TRIM37: variants seen among roughly 807,000 people sequenced by gnomAD.
TRIM37 encodes tripartite motif containing 37.
A neutral mutation model predicts 129.8 loss-of-function variants in TRIM37; 80 were observed. The ratio of observed to expected loss-of-function variants is 0.62; its 90% CI spans 0.51 to 0.74. TRIM37 has a LOEUF of 0.74. Among genes scored for constraint, TRIM37 ranks in the 30% least tolerant of loss-of-function variants. The pLI is 0.00. For synonymous variants in TRIM37, 389 were observed against 387.1 expected (o/e 1.00, Z -0.06); for missense variants, 1,054 against 1,176.5 (o/e 0.90, Z 1.52).
At chr17:58,974,189 T>C in the TRIM37 span, among the ~76,000 whole-genome samples, 1 of 152,142 alleles carries the variant, frequency 6.6e-6, no homozygotes, top group Non-Finnish European at 1.5e-5. Flanking sequence ...CAAATCAGTA[T>C]TTTTCAGAGA....
At chr17:59,027,938 C>T (rs139891258) in intron 19 of TRIM37, among the ~76,000 whole-genome samples, 13 of 152,294 alleles carry the variant, frequency 8.5e-5, no homozygotes, top group Middle Eastern at 3.4e-3. Context: ...TTACCCAGAA[C>T]ACTGCTTGCC....
the TRIM37 span, chr17:58,972,003 T>C: frequency 1.2e-6 from 1 of 836,224 alleles, no homozygotes; most frequent in Non-Finnish European, 1.8e-6. Flanking sequence ...TGAATTATTA[T>C]ATATGTGTGA....
the TRIM37 span, chr17:58,969,823 G>T: frequency 8.6e-7 from 1 of 1,163,964 alleles, no homozygotes. Context: ...TCTCTTTCTG[G>T]GCAGACATTA....
chr17:59,014,161 C>G (rs1567974123), intron 21 of TRIM37, among the ~76,000 whole-genome samples: 1 of 152,142 alleles, frequency 6.6e-6, no homozygotes, highest in Non-Finnish European at 1.5e-5. Flanking sequence ...GATTTTAACA[C>G]CTTTCTACTA....
At chr17:59,082,764 T>A (rs1213514177) in intron 5 of TRIM37, among the ~76,000 whole-genome samples, 2 of 152,236 alleles carry the variant, frequency 1.3e-5, no homozygotes, top group African/African-American at 4.8e-5. Flanking sequence ...TTAGCCAAAG[T>A]ATCCCATTAT....
chr17:59,035,985 C>T (rs2038432761), intron 17 of TRIM37, among the ~76,000 whole-genome samples: 2 of 152,110 alleles, frequency 1.3e-5, no homozygotes, highest in Non-Finnish European at 2.9e-5. Context: ...TCTCAAACTA[C>T]CTTTCCAGAA....
intron 12 of TRIM37, among the ~76,000 whole-genome samples, chr17:59,059,784 G>A (rs112491225): frequency 2.0e-5 from 3 of 152,154 alleles, no homozygotes; most frequent in African/African-American, 7.2e-5. Context: ...CTTTTGTTAG[G>A]TGGGTCCAGA....
intron 9 of TRIM37, among the ~76,000 whole-genome samples, chr17:59,069,261 T>G (rs937382988): frequency 2.1e-4 from 32 of 152,062 alleles, no homozygotes; most frequent in East Asian, 1.9e-4. Flanking sequence ...GTGTGAGAAT[T>G]GCTTGAATCC....
intron 8 of TRIM37, among the ~76,000 whole-genome samples, chr17:59,074,435 G>A (rs929288489): frequency 6.6e-6 from 1 of 152,142 alleles, no homozygotes; most frequent in Admixed American, 6.6e-5. Context: ...AAAAAAGAAT[G>A]GGGATAATGA....
Position 59,106,568 on chromosome 17 carries a change from G to A in TRIM37, c.-107C>T, listed in dbSNP as rs2046022729. On this transcript the variant is annotated 5_prime_UTR_variant, in exon 1 of 24. Coordinates refer to ENST00000262294, the MANE Select transcript of TRIM37 (RefSeq NM_015294.6). Reference sequence around the variant, plus strand: ...ATCAAATCGCCGATAAAAGCCCGGCGCCCACGTCAGGGGGCTCTGACAACC... The same window carrying A: ...ATCAAATCGCCGATAAAAGCCCGGCACCCACGTCAGGGGGCTCTGACAACC... 5.0e-6 allele frequency: 7 copies of A among 1,399,956 alleles called. No homozygotes were observed. Among genetic ancestry groups the A allele is most frequent in the East Asian group, 2.5e-5 (1 of 40,760 alleles). The allele number at this position is 1,399,956 out of a possible 1,614,324, so 86.7% of individuals were successfully genotyped here. A position where few individuals can be genotyped will look rare whatever the true frequency, so the allele number is the denominator to read the frequency against.
intron 19 of TRIM37, among the ~76,000 whole-genome samples, chr17:59,017,926 C>T (rs1844805317): frequency 6.6e-6 from 1 of 151,954 alleles, no homozygotes; most frequent in African/African-American, 2.4e-5. Context: ...GCACACCGCC[C>T]GTAAAATCTT....
chr17:59,088,044 A>G, intron 4 of TRIM37: 1 of 597,198 alleles, frequency 1.7e-6, no homozygotes, highest in South Asian at 2.1e-5. Context: ...CTAGCAAAGT[A>G]CTTTCTGTGT....
chr17:59,040,481 A>G (rs1460553630), intron 17 of TRIM37, among the ~76,000 whole-genome samples: 2 of 152,196 alleles, frequency 1.3e-5, no homozygotes, highest in African/African-American at 4.8e-5. Flanking sequence ...CACGGTGGCT[A>G]CTGCTGACAG....
At chr17:59,090,230 T>G (rs1212211108) in intron 3 of TRIM37, 2 of 152,200 alleles carry the variant, frequency 1.3e-5, no homozygotes, top group Admixed American at 6.5e-5. Context: ...AATCAAGGTA[T>G]AGTCATAAAA....
Position 59,049,384 on chromosome 17 carries a change from TAGTA to T in TRIM37, c.1320_1323del (p.Thr441LeufsTer50). The T allele has an allele frequency of 6.2e-7, 1 of 1,613,964 alleles. No homozygotes were observed. The highest frequency in any genetic ancestry group is 8.5e-7 in the Non-Finnish European group (1 of 1,179,966). Reference sequence around the variant, plus strand: ...GACTTCTGAGTTCGAGACAGCTCAATAGTAAGTCTCTTTTAAAACAAGAAAAGCA... The same window carrying T: ...GACTTCTGAGTTCGAGACAGCTCAATAGTCTCTTTTAAAACAAGAAAAGCA... On this transcript the variant is annotated frameshift_variant, in exon 15 of 24. Coordinates refer to ENST00000262294, the MANE Select transcript of TRIM37 (RefSeq NM_015294.6). LOFTEE classifies it high-confidence loss of function.
chr17:58,967,525 G>A, the TRIM37 span, among the ~76,000 whole-genome samples: 9 of 148,782 alleles, frequency 6.0e-5, no homozygotes, highest in African/African-American at 2.0e-4. Flanking sequence ...TATATAGAGA[G>A]AGAGAGAGAG....
chr17:58,979,226 T>C (rs2031216388), downstream of TRIM37, among the ~76,000 whole-genome samples: 1 of 152,190 alleles, frequency 6.6e-6, no homozygotes, highest in South Asian at 2.1e-4. Flanking sequence ...ATATGAAGAA[T>C]ATGGCAGTCT....
At chr17:59,094,752 G>GAAAAAC (rs764299085) in intron 2 of TRIM37, among the ~76,000 whole-genome samples, 4 of 151,396 alleles carry the variant, frequency 2.6e-5, no homozygotes, top group South Asian at 2.1e-4. Flanking sequence ...TTGGCATGGT[G>GAAAAAC]AAAAACAAAA....
At chr17:59,081,044 A>G (rs2043209230) in intron 6 of TRIM37, 53 bp downstream of exon 6, 6 of 995,818 alleles carry the variant, frequency 6.0e-6, no homozygotes, top group Non-Finnish European at 7.9e-6. Context: ...TAAATATATT[A>G]TTATATATTA....
Sources: allele counts gnomAD v4.1 joint callset (sites outside exome capture counted in the v4.1 genomes callset), GRCh38; gene constraint gnomAD v4.1.1; transcripts MANE v1.5; gene names NCBI Gene and HGNC (gene_info 2026-07-23, HGNC 2026-07-21).